The following MED12L variants were observed in gnomAD, a reference collection of about 807,000 sequenced individuals.
The protein encoded by MED12L is mediator complex subunit 12L.
Under a neutral mutation model 281.3 loss-of-function variants are expected in MED12L, and 60 were observed. That is an observed-to-expected ratio of 0.21 (90% confidence interval 0.17 to 0.26). The LOEUF is 0.26. MED12L is among the 10% of genes least tolerant of loss of function. The probability of loss-of-function intolerance (pLI) is 1.00; values close to 1 mark genes in which losing one functional copy is unlikely to be tolerated. For synonymous variants in MED12L, 974 were observed against 987.2 expected (o/e 0.99, Z 0.25); for missense variants, 2,146 against 2,680.9 (o/e 0.80, Z 4.41).
intron 39 of MED12L, among the ~76,000 whole-genome samples, chr3:151,396,627 AG>A (rs1715014760): frequency 6.6e-6 from 1 of 152,244 alleles, no homozygotes; most frequent in Non-Finnish European, 1.5e-5. Flanking sequence ...CTCCGTCTCA[AG>A]AAAAATAAAT....
intron 16 of MED12L, among the ~76,000 whole-genome samples, chr3:151,298,687 G>C (rs150388962): frequency 1.7e-4 from 26 of 152,326 alleles, no homozygotes; most frequent in Non-Finnish European, 3.7e-4. Flanking sequence ...AACTTTGGCT[G>C]TCTTTGCCGG....
chr3:151,307,097 A>T (rs1186033455), intron 16 of MED12L, among the ~76,000 whole-genome samples: 2 of 152,202 alleles, frequency 1.3e-5, no homozygotes, highest in African/African-American at 2.4e-5. Context: ...AAGCCATCTG[A>T]TAGAAAGTTT....
At chr3:151,339,900 T>TC (rs1355481401) in intron 16 of MED12L, among the ~76,000 whole-genome samples, 2 of 152,180 alleles carry the variant, frequency 1.3e-5, no homozygotes, top group Non-Finnish European at 2.9e-5. Flanking sequence ...ATTGATTCTA[T>TC]ATAAAATATT....
intron 16 of MED12L, among the ~76,000 whole-genome samples, chr3:151,317,436 C>CTATTTTT (rs1748413425): frequency 1.7e-5 from 1 of 58,744 alleles, no homozygotes; most frequent in South Asian, 8.2e-4. Flanking sequence ...AATCATATCA[C>CTATTTTT]TTTTTTTTTT....
rs141068165 is a variant in MED12L, at chr3:151,254,147, T to C, written c.2250+60481T>C. On this transcript the variant is annotated intron_variant, in intron 16 of 44. Coordinates refer to ENST00000687756, the MANE Select transcript of MED12L (RefSeq NM_001393769.1). ...CCTGGTAGCCACCTCTTTTTCCTTT[T>C]ATCTATTTTTAGGTATTAGTGCCTG... Among the ~76,000 whole-genome samples, 777 of 152,272 alleles carry C rather than the reference T, an allele frequency of 5.1e-3. 11 individuals are homozygous for C. Among genetic ancestry groups the C allele is most frequent in the African/African-American group, 0.017 (725 of 41,554 alleles).
chr3:151,118,935 C>A (rs1255157254), intron 3 of MED12L, among the ~76,000 whole-genome samples: 1 of 152,202 alleles, frequency 6.6e-6, no homozygotes, highest in Admixed American at 6.5e-5. Flanking sequence ...AATCTGCCTG[C>A]CTTGGCCTCC....
At chr3:151,342,137 A>C (rs561479082) in intron 16 of MED12L, among the ~76,000 whole-genome samples, 31 of 152,292 alleles carry the variant, frequency 2.0e-4, no homozygotes, top group African/African-American at 3.6e-4. Context: ...GTTCTAGATC[A>C]CTGAGGAATC....
chr3:151,207,448 C>T (rs1462378832), intron 16 of MED12L, among the ~76,000 whole-genome samples: 6 of 150,118 alleles, frequency 4.0e-5, no homozygotes, highest in African/African-American at 1.5e-4. Flanking sequence ...GAATGAGCTA[C>T]AAGGTGGCAT....
At chr3:151,347,309 T>C (rs1752662207) in intron 16 of MED12L, among the ~76,000 whole-genome samples, 1 of 152,232 alleles carries the variant, frequency 6.6e-6, no homozygotes, top group Non-Finnish European at 1.5e-5. Flanking sequence ...TTATTTTGTA[T>C]TTAGTATGTT....
At chr3:151,269,148 G>C (rs1180195700) in intron 16 of MED12L, among the ~76,000 whole-genome samples, 3 of 152,154 alleles carry the variant, frequency 2.0e-5, no homozygotes, top group African/African-American at 7.2e-5. Context: ...GGTGGCTTAT[G>C]CCTATACTCT....
chr3:151,392,368 A>T (rs930875352), intron 38 of MED12L, among the ~76,000 whole-genome samples: 1 of 151,780 alleles, frequency 6.6e-6, no homozygotes, highest in Non-Finnish European at 1.5e-5. Context: ...TGGGAGGCCA[A>T]AGCAGGAGAA....
intron 16 of MED12L, among the ~76,000 whole-genome samples, chr3:151,276,822 C>T (rs1741943681): frequency 6.6e-6 from 1 of 152,182 alleles, no homozygotes; most frequent in East Asian, 1.9e-4. Flanking sequence ...TCTTCCTCTG[C>T]ACCCGGCCCA....
chr3:151,228,205 T>C (rs1309226060), intron 16 of MED12L, among the ~76,000 whole-genome samples: 2 of 152,194 alleles, frequency 1.3e-5, no homozygotes, highest in Non-Finnish European at 2.9e-5. Flanking sequence ...TGCATGCTTG[T>C]GGGATACAGT....
At chr3:151,131,395 G>T (rs1408042871) in intron 5 of MED12L, among the ~76,000 whole-genome samples, 1 of 152,130 alleles carries the variant, frequency 6.6e-6, no homozygotes, top group Non-Finnish European at 1.5e-5. Context: ...GAGCCCAGAA[G>T]TTTAAGACCA....
chr3:151,100,250 C>A (rs866064614), intron 2 of MED12L, among the ~76,000 whole-genome samples: 1 of 152,198 alleles, frequency 6.6e-6, no homozygotes, highest in East Asian at 1.9e-4. Flanking sequence ...GCCAAGATTT[C>A]CCTCAGTAAG....
chr3:151,307,408 T>C (rs749430279), intron 16 of MED12L, among the ~76,000 whole-genome samples: 2 of 152,126 alleles, frequency 1.3e-5, no homozygotes, highest in Non-Finnish European at 2.9e-5. Context: ...TTCATTCAGG[T>C]TTTTCAGGTG....
At chr3:151,101,780 A>G (rs1417540042) in intron 2 of MED12L, among the ~76,000 whole-genome samples, 1 of 152,104 alleles carries the variant, frequency 6.6e-6, no homozygotes, top group Admixed American at 6.6e-5. Context: ...TAATAAATCC[A>G]GTGTGGGAGA....
At chr3:151,162,098 A>G (rs1720074161) in intron 8 of MED12L, among the ~76,000 whole-genome samples, 1 of 152,206 alleles carries the variant, frequency 6.6e-6, no homozygotes, top group African/African-American at 2.4e-5. Flanking sequence ...AGTTAAAAAT[A>G]TATATATATT....
chr3:151,086,514 A>T (rs897118254), intron 1 of MED12L: 1 of 121,852 alleles, frequency 8.2e-6, no homozygotes, highest in African/African-American at 3.1e-5. Context: ...CCCCACCCCC[A>T]CCCCCATCCT....
Sources: allele counts gnomAD v4.1 joint callset (sites outside exome capture counted in the v4.1 genomes callset), GRCh38; gene constraint gnomAD v4.1.1; transcripts MANE v1.5; gene names NCBI Gene and HGNC (gene_info 2026-07-23, HGNC 2026-07-21).